The following RNPC3 variants were observed in gnomAD, a reference collection of about 807,000 sequenced individuals.
RNPC3 encodes the protein RNA-binding region-containing protein 3.
A neutral mutation model predicts 67.5 loss-of-function variants in RNPC3; 48 were observed. The observed-to-expected ratio is 0.71, with a 90% CI of 0.56 to 0.90. The LOEUF (loss-of-function observed/expected upper bound fraction) is 0.90, where lower values mean the gene tolerates loss of function less well. Among genes scored for constraint, RNPC3 ranks in the 40% least tolerant of loss-of-function variants. The pLI is 0.00. For synonymous variants in RNPC3, 239 were observed against 210.3 expected (o/e 1.14, Z -1.18); for missense variants, 637 against 626.1 (o/e 1.02, Z -0.19).
chr1:103,529,065 A>G (rs1163511026), intron 2 of RNPC3, among the ~76,000 whole-genome samples: 3 of 152,210 alleles, frequency 2.0e-5, no homozygotes, highest in Admixed American at 6.5e-5. Flanking sequence ...GATAGAGTAC[A>G]TGAATAAAGT....
At chr1:103,553,929 G>C (rs76382687) in intron 14 of RNPC3, 1 of 152,116 alleles carries the variant, frequency 6.6e-6, no homozygotes, top group Non-Finnish European at 1.5e-5. Flanking sequence ...TGCCCACTAA[G>C]GGTAGTGCAT....
intron 3 of RNPC3, 64 bp from the exon 4 acceptor site, chr1:103,534,710 T>G (rs1437995708): frequency 1.2e-6 from 1 of 862,628 alleles, no homozygotes; most frequent in Non-Finnish European, 1.7e-6. Flanking sequence ...GTAATTTATC[T>G]TTTCTGTGTG....
At position 103,525,867 on chromosome 1, in the gene RNPC3, G is replaced by A. The variant is rs1570612164; in HGVS notation, c.-204G>A. ...CCCTGGAATTTAAATCATTAGCACC[G>A]CGCCCTTCCCCGAAGAGTCTTCGAA... On this transcript the variant is annotated 5_prime_UTR_variant, in exon 1 of 15. Transcript: ENST00000423855. The A allele has an allele frequency of 3.7e-6, 2 of 539,410 alleles. No homozygotes were observed. Among genetic ancestry groups the A allele is most frequent in the East Asian group, 3.1e-5 (1 of 32,090 alleles). The allele number at this position is 539,410 out of a possible 1,614,324, so 33.4% of individuals were successfully genotyped here. A position where few individuals can be genotyped will look rare whatever the true frequency, so the allele number is the denominator to read the frequency against.
Position 103,543,414 on chromosome 1 carries a change from G to C in RNPC3, c.1012G>C (p.Glu338Gln). ...DMPAAFKKDL[E>Q]KEQNCEEKNH... The stretch of plus-strand genomic sequence containing the variant: ...GCCAGCTGCATTTAAGAAAGATTTA[G>C]AAAAGGAACAAAATTGTGAGGAAAA... The change falls in exon 9 of 15, where the codon GAA (glutamate) becomes CAA (glutamine). Residue 338 changes from glutamate (E) to glutamine (Q), a missense_variant. Around this residue, in one of 3 missense-constraint regions of RNPC3, gnomAD observed 536 missense variants for 500.3 expected, o/e 1.07. Coordinates refer to ENST00000423855, the MANE Select transcript of RNPC3 (RefSeq NM_017619.4). The C allele has an allele frequency of 6.6e-7, 1 of 1,513,998 alleles. No individual in the cohort carries two copies. Among genetic ancestry groups the C allele is most frequent in the African/African-American group, 1.4e-5 (1 of 71,620 alleles). The allele number at this position is 1,513,998 out of a possible 1,614,324, so 93.8% of individuals were successfully genotyped here.
At chr1:103,547,955 T>C (rs1255226480) in intron 12 of RNPC3, among the ~76,000 whole-genome samples, 2 of 152,190 alleles carry the variant, frequency 1.3e-5, no homozygotes, top group Admixed American at 6.5e-5. Flanking sequence ...CTTATCACCA[T>C]GTGGGAGCTG....
chr1:103,539,780 A>G (rs1651077523), intron 7 of RNPC3, among the ~76,000 whole-genome samples: 1 of 152,182 alleles, frequency 6.6e-6, no homozygotes. Context: ...CTGAAATCCA[A>G]AATGCTTCAG....
intron 2 of RNPC3, among the ~76,000 whole-genome samples, chr1:103,528,033 A>G (rs1452291520): frequency 6.6e-6 from 1 of 152,248 alleles, no homozygotes; most frequent in Non-Finnish European, 1.5e-5. Context: ...TGTTAAAAGG[A>G]GAATATACAT....
At position 103,544,850 on chromosome 1, in the gene RNPC3, A is replaced by C. The variant is rs1014523737; in HGVS notation, c.1046-91A>C. ...CCAAAGAATTTTAGTGCCAGAAGAT[A>C]TATTATTGAATATAAAATAGGAGGT... On this transcript the variant is annotated intron_variant, in intron 9 of 14. Coordinates refer to ENST00000423855, the MANE Select transcript of RNPC3 (RefSeq NM_017619.4). 4 of 694,886 alleles carry C rather than the reference A, an allele frequency of 5.8e-6. No homozygotes were observed. In the East Asian group the frequency reaches 1.2e-4, roughly 21 times the overall value. 43.0% of individuals were successfully genotyped at this position (694,886 alleles called of 1,614,324 possible).
chr1:103,541,346 G>A lies in RNPC3; in HGVS notation c.768-4G>A. ...TTTGTTTATCATCCCTCTCCTCATT[G>A]TAGAATGAACAAATTAATGGAACTA... On this transcript the variant is annotated splice_polypyrimidine_tract_variant and splice_region_variant and intron_variant, in intron 7 of 14. Transcript: ENST00000423855. The A allele has an allele frequency of 6.6e-7, 1 of 1,505,338 alleles. No individual in the cohort carries two copies. Among genetic ancestry groups the A allele is most frequent in the Non-Finnish European group, 8.8e-7 (1 of 1,135,352 alleles). The allele number at this position is 1,505,338 out of a possible 1,614,324, so 93.2% of individuals were successfully genotyped here. A position where few individuals can be genotyped will look rare whatever the true frequency, so the allele number is the denominator to read the frequency against.
intron 7 of RNPC3, among the ~76,000 whole-genome samples, chr1:103,540,417 C>T (rs1651098208): frequency 6.6e-6 from 1 of 152,180 alleles, no homozygotes; most frequent in South Asian, 2.1e-4. Flanking sequence ...TTCATTTATT[C>T]AGCCAATAAT....
chr1:103,540,624 A>G (rs1286738718), intron 7 of RNPC3, among the ~76,000 whole-genome samples: 1 of 152,226 alleles, frequency 6.6e-6, no homozygotes, highest in African/African-American at 2.4e-5. Context: ...TTATTTGAAC[A>G]ATGCCCTCCT....
chr1:103,537,307 C>T (rs748592772), intron 6 of RNPC3, 35 bp from the exon 7 acceptor site: 8 of 1,419,550 alleles, frequency 5.6e-6, no homozygotes, highest in African/African-American at 1.4e-5. Flanking sequence ...ATATTTTGGA[C>T]TGCCATAGTA....
intron 7 of RNPC3, among the ~76,000 whole-genome samples, chr1:103,538,037 G>T (rs191870258): frequency 6.6e-6 from 1 of 151,906 alleles, no homozygotes; most frequent in Admixed American, 6.6e-5. Context: ...TAGAGATGGG[G>T]TTTCTCCATG....
rs566075290 is a variant in RNPC3 at position 103,538,081 on chromosome 1, G to A, written c.767+597G>A. On this transcript the variant is annotated intron_variant, in intron 7 of 14. Coordinates refer to ENST00000423855, the MANE Select transcript of RNPC3 (RefSeq NM_017619.4). ...GCTGGTCTCGAACTCCCAACCTCAG[G>A]TGATCCGCCTGCCTCAGCCTCCCAA... 9.9e-5 allele frequency among the ~76,000 whole-genome samples: 15 copies of A among 152,252 alleles called. No homozygotes were observed. The South Asian group carries it at 2.5e-3, about 25-fold the overall frequency.
At chr1:103,528,611 A>G (rs1211186949) in intron 2 of RNPC3, among the ~76,000 whole-genome samples, 1 of 152,184 alleles carries the variant, frequency 6.6e-6, no homozygotes, top group Non-Finnish European at 1.5e-5. Flanking sequence ...GATGTTTGCA[A>G]AGGCATAGGA....
At chr1:103,531,715 T>A (rs1015888178) in intron 2 of RNPC3, among the ~76,000 whole-genome samples, 3 of 152,182 alleles carry the variant, frequency 2.0e-5, no homozygotes, top group African/African-American at 7.2e-5. Flanking sequence ...TTTGGATTCC[T>A]TGTAGATTCT....
chr1:103,539,527 AAAT>A (rs1651069611), intron 7 of RNPC3, among the ~76,000 whole-genome samples: 1 of 152,334 alleles, frequency 6.6e-6, no homozygotes, highest in South Asian at 2.1e-4. Context: ...TTCTTTATAA[AAAT>A]AATGATAGTA....
At chr1:103,544,823 C>A in intron 9 of RNPC3, 118 bp from the exon 10 acceptor site, 1 of 572,458 alleles carries the variant, frequency 1.7e-6, no homozygotes, top group Non-Finnish European at 2.8e-6. Flanking sequence ...TATTGAGAAA[C>A]ACCAAAGAAT....
intron 7 of RNPC3, 57 bp from the exon 8 acceptor site, chr1:103,541,293 T>C: frequency 1.5e-6 from 2 of 1,314,694 alleles, no homozygotes; most frequent in Admixed American, 3.3e-5. Flanking sequence ...GAAACAGTGG[T>C]AAATAGCTAT....
Sources: gnomAD v4.1 joint callset for allele counts (sites outside exome capture counted in the v4.1 genomes callset) on GRCh38, gnomAD v4.1.1 for gene constraint, gnomAD v4.1.1 regional missense constraint, MANE v1.5 for transcripts, NCBI Gene and HGNC (gene_info 2026-07-23, HGNC 2026-07-21) for gene names.